The following PTPN14 variants were observed in gnomAD, a reference collection of about 807,000 sequenced individuals.
PTPN14 encodes the protein protein tyrosine phosphatase non-receptor type 14.
In PTPN14, 53 loss-of-function variants were observed where a neutral mutation model predicts 126.8. That is an observed-to-expected ratio of 0.42 (90% confidence interval 0.34 to 0.53). PTPN14 has a LOEUF of 0.53. Among genes scored for constraint, PTPN14 ranks in the 20% least tolerant of loss-of-function variants. The pLI, the probability that PTPN14 is intolerant of heterozygous loss-of-function variation, is 0.08. For missense variants in PTPN14, 1,257 were observed against 1,552.9 expected (o/e 0.81, Z 3.20); for synonymous variants, 630 against 599.3 (o/e 1.05, Z -0.75).
intron 1 of PTPN14, 75 bp from the exon 2 acceptor site, chr1:214,465,032 G>C: frequency 1.6e-5 from 5 of 305,822 alleles, no homozygotes; most frequent in Admixed American, 6.7e-5. Flanking sequence ...CACACACACA[G>C]AAGCCCCCCC....
chr1:214,379,377 G>A (rs1193600580), intron 13 of PTPN14, among the ~76,000 whole-genome samples: 1 of 152,174 alleles, frequency 6.6e-6, no homozygotes, highest in East Asian at 1.9e-4. Flanking sequence ...TGGGAGGACT[G>A]CATGACGCCC....
At chr1:214,459,719 G>C (rs1312986342) in intron 2 of PTPN14, among the ~76,000 whole-genome samples, 4 of 149,678 alleles carry the variant, frequency 2.7e-5, no homozygotes, top group Admixed American at 1.3e-4. Context: ...CGCCTGCCTC[G>C]GCCTCCCAAA....
intron 3 of PTPN14, among the ~76,000 whole-genome samples, chr1:214,438,380 G>T (rs6698662): frequency 0.14 from 21,325 of 152,068 alleles, 2,848 homozygotes; most frequent in African/African-American, 0.35. Context: ...CCTCATATGG[G>T]ACTGGAATGA....
chr1:214,517,031 T>C (rs1571639222), intron 1 of PTPN14, among the ~76,000 whole-genome samples: 1 of 152,118 alleles, frequency 6.6e-6, no homozygotes, highest in East Asian at 1.9e-4. Flanking sequence ...CCACCAAATA[T>C]GTCCTATCCA....
intron 3 of PTPN14, among the ~76,000 whole-genome samples, chr1:214,416,355 G>C (rs995301739): frequency 3.3e-5 from 5 of 152,200 alleles, no homozygotes; most frequent in Non-Finnish European, 1.5e-5. Flanking sequence ...AGATGAAAAT[G>C]ATCAGCTAAG....
chr1:214,498,816 T>C (rs562855464), intron 1 of PTPN14, among the ~76,000 whole-genome samples: 30 of 152,170 alleles, frequency 2.0e-4, no homozygotes, highest in African/African-American at 7.0e-4. Context: ...GAGATCCTTG[T>C]TCTGATTTAA....
At chr1:214,373,547 G>T (rs916873966) in intron 15 of PTPN14, among the ~76,000 whole-genome samples, 1 of 136,572 alleles carries the variant, frequency 7.3e-6, no homozygotes, top group African/African-American at 2.9e-5. Flanking sequence ...TTTTCTAGTC[G>T]ATTTCATTGA....
chr1:214,403,772 T>C (rs987608319), intron 5 of PTPN14, among the ~76,000 whole-genome samples: 2 of 152,148 alleles, frequency 1.3e-5, no homozygotes, highest in Non-Finnish European at 2.9e-5. Flanking sequence ...TCTTGAGAAA[T>C]TGATAGAGGT....
In PTPN14 at chr1:214,357,922, T is replaced by C. The variant is rs1363429237; in HGVS notation, c.3564A>G (p.Ter1188=). ...IQFLQNSRLI[*] is the part of the protein sequence containing the mutation. ...TCCTCCAGGAGCTGGATTGGGGTGA[T>C]TAAATGAGTCTGGAGTTTTGGAGGA... The change falls in exon 19 of 19, where the codon TAA becomes TAG. Residue 1188 remains the stop codon, a stop_retained_variant. Transcript: ENST00000366956. The C allele has an allele frequency of 6.2e-7, 1 of 1,612,092 alleles. No homozygotes were observed. Among genetic ancestry groups the C allele is most frequent in the Non-Finnish European group, 8.5e-7 (1 of 1,179,050 alleles).
At chr1:214,481,515 A>AAG (rs1660987175) in intron 1 of PTPN14, among the ~76,000 whole-genome samples, 1 of 150,296 alleles carries the variant, frequency 6.7e-6, no homozygotes, top group Admixed American at 6.6e-5. Flanking sequence ...CCCGCTCAAA[A>AAG]AAAAAAAAAA....
intron 12 of PTPN14, among the ~76,000 whole-genome samples, chr1:214,385,348 GC>G (rs1658583435): frequency 1.3e-5 from 2 of 152,132 alleles, no homozygotes; most frequent in South Asian, 4.1e-4. Flanking sequence ...GCAATAAAGG[GC>G]AAAATTAGAA....
chr1:214,541,856 ACTTT>A (rs1202752623), intron 1 of PTPN14, among the ~76,000 whole-genome samples: 22 of 152,112 alleles, frequency 1.4e-4, no homozygotes, highest in African/African-American at 5.3e-4. Context: ...AATAAATGAG[ACTTT>A]CTGTTTACAT....
intron 1 of PTPN14, among the ~76,000 whole-genome samples, chr1:214,486,993 AT>A (rs959614864): frequency 2.9e-4 from 44 of 149,774 alleles, no homozygotes; most frequent in African/African-American, 7.1e-4. Context: ...CAAAGCATCT[AT>A]TTTTTTTTTC....
chr1:214,366,174 G>A (rs1246206874), intron 17 of PTPN14, among the ~76,000 whole-genome samples: 3 of 151,984 alleles, frequency 2.0e-5, no homozygotes, highest in African/African-American at 7.3e-5. Context: ...GCAAAACTCC[G>A]CCTCAATTAA....
At chr1:214,442,647 G>T (rs979942421) in intron 3 of PTPN14, among the ~76,000 whole-genome samples, 3 of 152,072 alleles carry the variant, frequency 2.0e-5, no homozygotes, top group Admixed American at 2.0e-4. Context: ...AAAGAACACT[G>T]ATTTATTTTA....
Position 214,383,319 on chromosome 1 carries a change from T to C in PTPN14, c.2536A>G (p.Met846Val). ...LEDSIIEREM[M>V]IRNLEKQKMA... Reference sequence around the variant, plus strand: ...GAGAGGAGGACACTCACCCTGATCATCATCTCTCTCTCTATAATGCTGTCT... The same window carrying C: ...GAGAGGAGGACACTCACCCTGATCACCATCTCTCTCTCTATAATGCTGTCT... Residue 846 changes from methionine (M) to valine (V), a missense_variant, in exon 13 of 19, where the codon ATG (methionine) becomes GTG (valine). Met to Val is a conservative substitution (Grantham distance 21, BLOSUM62 1). Coordinates refer to ENST00000366956, the MANE Select transcript of PTPN14 (RefSeq NM_005401.5). This position sits in a 1 kb window ranked among gnomAD's most constrained non-coding sequence, Gnocchi z 4.4. 6.2e-7 allele frequency: 1 copy of C among 1,609,878 alleles called. No homozygotes were observed. The highest frequency in any genetic ancestry group is 1.7e-5 in the Admixed American group (1 of 59,936).
rs368229778 is a variant in PTPN14 at position 214,393,708 on chromosome 1, T to C, written c.916A>G (p.Lys306Glu). ...ATRHKFYKQN[K>E]ICTEQSNSPP... Reference sequence around the variant, plus strand: ...ATGTTTACTTACTCAGTGCAGATTTTGTTTTGTTTGTAAAACTTGTGTCGT... The same window carrying C: ...ATGTTTACTTACTCAGTGCAGATTTCGTTTTGTTTGTAAAACTTGTGTCGT... Residue 306 changes from lysine to glutamate, a missense_variant, in exon 10 of 19, where the codon AAA becomes GAA. By Grantham distance (56) the Lys-to-Glu change is moderately conservative. Transcript: ENST00000366956. 13 of 1,587,118 alleles carry C rather than the reference T, an allele frequency of 8.2e-6. No homozygotes were observed. Among genetic ancestry groups the C allele is most frequent in the South Asian group, 4.4e-5 (4 of 90,508 alleles).
At chr1:214,451,767 A>T in intron 3 of PTPN14, 38 bp downstream of exon 3, 2 of 1,599,430 alleles carry the variant, frequency 1.3e-6, no homozygotes, top group Non-Finnish European at 1.7e-6. Context: ...CAGTTAGTCA[A>T]CACCCTTATA....
At position 214,371,209 on chromosome 1, in the gene PTPN14, C is replaced by A. The variant is rs116932708; in HGVS notation, c.3036+1502G>T. On this transcript the variant is annotated intron_variant, in intron 16 of 18. Coordinates refer to ENST00000366956, the MANE Select transcript of PTPN14 (RefSeq NM_005401.5). ...CCTCAGAGGGTCCTTGGCCACCCCC[C>A]TGATCTAAAGTAGACCCCAGTCACT... Among the ~76,000 whole-genome samples, 152 of 152,300 alleles carry A rather than the reference C, an allele frequency of 1.0e-3. 3 individuals are homozygous for A. In the East Asian group the frequency reaches 0.027, roughly 27 times the overall value.
Sources: allele counts gnomAD v4.1 joint callset (sites outside exome capture counted in the v4.1 genomes callset), GRCh38; gene constraint gnomAD v4.1.1; non-coding constraint Gnocchi (gnomAD v3.1); transcripts MANE v1.5; gene names NCBI Gene and HGNC (gene_info 2026-07-23, HGNC 2026-07-21).